The following IRGM variants were observed in gnomAD, a reference collection of about 807,000 sequenced individuals.
IRGM encodes the protein immunity related GTPase M, also known as immunity-related GTPase family M protein.
For missense variants in IRGM, 288 were observed against 219.9 expected, an observed-to-expected ratio of 1.31 and a Z score of -1.96; for synonymous variants, 98 against 80.6, an observed-to-expected ratio of 1.22 and a Z score of -1.16.
chr5:150,848,766 A>G (rs901314191), downstream of IRGM: 9 of 878,800 alleles, frequency 1.0e-5, no homozygotes, highest in African/African-American at 1.5e-4. Context: ...GCAGAAGGGT[A>G]TCTTACAATT....
intron 3 of IRGM, chr5:150,898,470 T>C (rs764503988): frequency 6.2e-7 from 1 of 1,613,394 alleles, no homozygotes; most frequent in Middle Eastern, 1.7e-4. Context: ...ATCACATCCC[T>C]GTACAGGGTC....
At chr5:150,875,028 G>A (rs530128037) in intron 1 of IRGM, among the ~76,000 whole-genome samples, 6 of 152,274 alleles carry the variant, frequency 3.9e-5, no homozygotes, top group East Asian at 1.9e-4. Context: ...TGGTGTATAC[G>A]TAATTGGGCT....
At chr5:150,852,023 AAT>A (rs112594261), downstream of IRGM, among the ~76,000 whole-genome samples, 5,929 of 152,260 alleles carry the variant, frequency 0.039, 192 homozygotes, top group East Asian at 0.18. Context: ...CCAGTGCAAA[AAT>A]ATATGTTTTT....
At chr5:150,859,294 A>G (rs1449230661) in intron 1 of IRGM, among the ~76,000 whole-genome samples, 7 of 152,158 alleles carry the variant, frequency 4.6e-5, no homozygotes, top group African/African-American at 1.7e-4. Flanking sequence ...ATCATGGTGG[A>G]TAAGCTTTTT....
intron 1 of IRGM, among the ~76,000 whole-genome samples, chr5:150,872,261 G>A (rs1445332136): frequency 6.6e-6 from 1 of 151,838 alleles, no homozygotes; most frequent in Admixed American, 6.6e-5. Context: ...GCCTTTTTTT[G>A]CCAGAAGAAA....
chr5:150,878,017 A>T (rs557988626), exon 2 of IRGM: 2 of 458,284 alleles, frequency 4.4e-6, no homozygotes, highest in African/African-American at 4.0e-5. Flanking sequence ...AACCACAGCC[A>T]CGTACCTCTT....
intron 3 of IRGM, among the ~76,000 whole-genome samples, chr5:150,898,915 A>G (rs1052989228): frequency 6.6e-6 from 1 of 152,046 alleles, no homozygotes; most frequent in African/African-American, 2.4e-5. Flanking sequence ...TTGAAGTCCT[A>G]ACCCCCAGTA....
rs917155918 is a variant in IRGM at position 150,848,050 on chromosome 5, C to T, written c.-74C>T. On this transcript the variant is annotated 5_prime_UTR_variant, in exon 2 of 2. Transcript: ENST00000522154. ...TCTCCTGACCTCGTGATCTGCTCGC[C>T]TCGGCCTTCCAAAGTGCTGGGATTA... is the stretch of plus-strand genomic sequence containing the variant. The T allele has an allele frequency of 4.1e-6, 5 of 1,206,716 alleles. No homozygotes were observed. The highest frequency in any genetic ancestry group is 2.6e-5 in the East Asian group (1 of 39,152). The allele number at this position is 1,206,716 out of a possible 1,614,324, so 74.8% of individuals were successfully genotyped here. A position where few individuals can be genotyped will look rare whatever the true frequency, so the allele number is the denominator to read the frequency against.
chr5:150,896,599 G>C lies in IRGM; in HGVS notation c.*141-3990G>C, dbSNP rs368888702. 6.2e-6 allele frequency: 10 copies of C among 1,613,678 alleles called. No homozygotes were observed. Among genetic ancestry groups the C allele is most frequent in the Non-Finnish European group, 8.5e-6 (10 of 1,179,832 alleles). ...GATGATTTTCCACCTCCAAAACTCT[G>C]ATCAGGTTTTTTTCTTGAATTGCTC... On this transcript the variant is annotated intron_variant and NMD_transcript_variant, in intron 3 of 3. Coordinates refer to the IRGM transcript ENST00000520549.
intron 1 of IRGM, among the ~76,000 whole-genome samples, chr5:150,877,626 T>C (rs1561748047): frequency 6.6e-6 from 1 of 152,076 alleles, no homozygotes; most frequent in Admixed American, 6.6e-5. Flanking sequence ...TTATTCCCCT[T>C]TTAAAGATGA....
At chr5:150,897,825 G>T in intron 3 of IRGM, 1 of 425,556 alleles carries the variant, frequency 2.3e-6, no homozygotes, top group Non-Finnish European at 4.1e-6. Flanking sequence ...AAAGGAATTT[G>T]CCTTCTATTG....
intron 3 of IRGM, chr5:150,898,456 C>T: frequency 6.2e-7 from 1 of 1,613,438 alleles, no homozygotes; most frequent in Non-Finnish European, 8.5e-7. Flanking sequence ...TGTAGTTCTC[C>T]AGCATCACAT....
intron 3 of IRGM, chr5:150,895,975 A>G (rs1258447689): frequency 1.9e-6 from 3 of 1,613,496 alleles, no homozygotes; most frequent in Admixed American, 1.7e-5. Context: ...ATGAGGTGGG[A>G]CTTCTCACAG....
At chr5:150,885,339 T>C (rs112334333) in intron 3 of IRGM, among the ~76,000 whole-genome samples, 16,570 of 127,000 alleles carry the variant, frequency 0.13, 2,636 homozygotes, top group African/African-American at 0.4. Context: ...AGTTTGAAGT[T>C]GGGTAACATA....
chr5:150,856,944 A>ATT (rs1213119911), intron 1 of IRGM, among the ~76,000 whole-genome samples: 16 of 149,200 alleles, frequency 1.1e-4, no homozygotes. Flanking sequence ...ATTTTATTTT[A>ATT]TTATACTTTA....
At chr5:150,895,150 T>C (rs1192429074) in intron 3 of IRGM, 1 of 314,492 alleles carries the variant, frequency 3.2e-6, no homozygotes, top group Admixed American at 4.5e-5. Flanking sequence ...ATAAGGAATA[T>C]GCAACTTGAC....
In IRGM at chr5:150,870,069, A is replaced by AT. The variant is rs1754261077; in HGVS notation, c.159-7910dup. Among the ~76,000 whole-genome samples, 4 of 152,282 alleles carry AT rather than the reference A, an allele frequency of 2.6e-5. No homozygotes were observed. The South Asian group carries it at 8.3e-4, about 32-fold the overall frequency. On this transcript the variant is annotated intron_variant and NMD_transcript_variant, in intron 1 of 3. Coordinates refer to the IRGM transcript ENST00000520549. ...CAAGGAGGAAAGAAAAATAATGCTA[A>AT]TATCTGGGGTACAGATGAGAATAAA...
intron 1 of IRGM, among the ~76,000 whole-genome samples, chr5:150,860,431 G>T (rs574282779): frequency 6.6e-6 from 1 of 152,300 alleles, no homozygotes; most frequent in East Asian, 1.9e-4. Context: ...ATGCAACAGT[G>T]TTCAAAACTG....
Position 150,855,960 on chromosome 5 carries a change from A to G in IRGM, c.158+7306A>G, listed in dbSNP as rs548341784. On this transcript the variant is annotated intron_variant and NMD_transcript_variant, in intron 1 of 3. Transcript: ENST00000520549. ...CCAGATGTTAATTAGGAGACACTCAATTTTTAAAAGTTAAAACATGTTTTA... is the reference window on the plus strand; with the variant it reads ...CCAGATGTTAATTAGGAGACACTCAGTTTTTAAAAGTTAAAACATGTTTTA... Among the ~76,000 whole-genome samples, 24 of 151,902 alleles carry G rather than the reference A, an allele frequency of 1.6e-4. No homozygotes were observed. The South Asian group carries it at 3.9e-3, about 25-fold the overall frequency.
Sources: allele counts gnomAD v4.1 joint callset (sites outside exome capture counted in the v4.1 genomes callset), GRCh38; gene constraint gnomAD v4.1.1; transcripts MANE v1.5; gene names NCBI Gene and HGNC (gene_info 2026-07-23, HGNC 2026-07-21).